The following LIPG variants were observed in gnomAD, a reference collection of about 807,000 sequenced individuals.
LIPG encodes the protein lipase G, endothelial type, also known as endothelial lipase.
Under a neutral mutation model 51.8 loss-of-function variants are expected in LIPG, and 34 were observed. The observed-to-expected ratio is 0.66, with a 90% CI of 0.50 to 0.87. The LOEUF (loss-of-function observed/expected upper bound fraction) is 0.87, where lower values mean the gene tolerates loss of function less well. Ranked by LOEUF, LIPG falls within the 40% of genes least tolerant of loss-of-function variation. The pLI is 0.00. For missense variants in LIPG, 580 were observed against 652.7 expected, an observed-to-expected ratio of 0.89 and a Z score of 1.21; for synonymous variants, 246 against 246.1, an observed-to-expected ratio of 1.00 and a Z score of 0.00.
At chr18:49,561,736 G>A (rs1361393061), upstream of LIPG, 7 of 1,245,088 alleles carry the variant, frequency 5.6e-6, no homozygotes, top group African/African-American at 3.1e-5. Flanking sequence ...GAGTTTCAGG[G>A]AAATGTCCGC....
rs139860222 is a variant in LIPG, at chr18:49,587,684, C to T, written c.1481+834C>T. 3.9e-3 allele frequency among the ~76,000 whole-genome samples: 587 copies of T among 151,822 alleles called. 4 individuals carry two copies. Among genetic ancestry groups the T allele is most frequent in the African/African-American group, 0.013 (548 of 41,382 alleles). The stretch of plus-strand genomic sequence containing the variant: ...GTTAATGTCTCTTCTGCTCTTTGTC[C>T]TGCCTCAACCTGTAGGGGTTCATTG... On this transcript the variant is annotated intron_variant, in intron 9 of 9. Coordinates refer to ENST00000261292, the MANE Select transcript of LIPG (RefSeq NM_006033.4).
At position 49,562,410 on chromosome 18, in the gene LIPG, C is replaced by T. The variant is rs376279370; in HGVS notation, c.97+5C>T. The T allele has an allele frequency of 3.1e-6, 5 of 1,612,974 alleles. No homozygotes were observed. The highest frequency in any genetic ancestry group is 3.3e-5 in the Admixed American group (2 of 60,002). On this transcript the variant is annotated splice_donor_5th_base_variant and intron_variant, in intron 1 of 9. Transcript: ENST00000261292. The stretch of plus-strand genomic sequence containing the variant: ...GTCCAGAGGGACGGCTGGAAGGTAA[C>T]GTGAATTTGTTTTTATTCCCCCCAG...
At chr18:49,583,493 C>T (rs1489484934) in intron 7 of LIPG, 63 bp from the exon 8 acceptor site, 1 of 1,392,152 alleles carries the variant, frequency 7.2e-7, no homozygotes, top group Non-Finnish European at 1.0e-6. Context: ...CTGTGTCACC[C>T]CACACAGTGT....
At chr18:49,567,695 A>G (rs775415575) in intron 3 of LIPG, 74 bp downstream of exon 3, 1 of 1,469,332 alleles carries the variant, frequency 6.8e-7, no homozygotes, top group East Asian at 2.3e-5. Flanking sequence ...AATGCAGGTC[A>G]TGCATCTGTT....
chr18:49,582,283 T>G, intron 6 of LIPG, 79 bp from the exon 7 acceptor site: 3 of 1,575,310 alleles, frequency 1.9e-6, no homozygotes, highest in Non-Finnish European at 2.6e-6. Context: ...ATCTCTGTGC[T>G]GGTGACTCAG....
At chr18:49,575,219 T>C (rs35641646) in intron 4 of LIPG, 150 bp from the exon 5 acceptor site, 39,110 of 633,424 alleles carry the variant, frequency 0.062, 1,601 homozygotes, top group South Asian at 0.14. Context: ...ATGGGTTTCT[T>C]ATTTTCTTCC....
rs143217740 is a variant in LIPG at position 49,583,208 on chromosome 18, G to C, written c.1158-348G>C. On this transcript the variant is annotated intron_variant, in intron 7 of 9. Transcript: ENST00000261292. The stretch of plus-strand genomic sequence containing the variant: ...TCCTTCAGAGGTTCTAAGGCTGAGC[G>C]GAACAGCGCACTTGAGTGGGGATGT... 1.1e-3 allele frequency among the ~76,000 whole-genome samples: 174 copies of C among 152,298 alleles called. 1 individual carries two copies. The highest frequency in any genetic ancestry group is 2.3e-3 in the Non-Finnish European group (154 of 68,028).
Position 49,563,891 on chromosome 18 carries a change from C to T in LIPG, c.98-1426C>T, listed in dbSNP as rs576146752. On this transcript the variant is annotated intron_variant, in intron 1 of 9. Coordinates refer to ENST00000261292, the MANE Select transcript of LIPG (RefSeq NM_006033.4). ...TATGTGGGTTTATCCGCAGATCTGT[C>T]TCAGGAATCCAGGAGACTTCTTTTC... is the stretch of plus-strand genomic sequence containing the variant. Among the ~76,000 whole-genome samples the T allele has an allele frequency of 3.3e-5, 5 of 152,284 alleles. No individual in the cohort carries two copies. In the East Asian group the frequency reaches 7.7e-4, roughly 24 times the overall value.
At chr18:49,579,818 C>CTT (rs2084799265) in intron 5 of LIPG, among the ~76,000 whole-genome samples, 1 of 131,126 alleles carries the variant, frequency 7.6e-6, no homozygotes, top group Admixed American at 7.6e-5. Flanking sequence ...CTTTTCTTTT[C>CTT]TTTACTTTAC....
chr18:49,568,672 C>T (rs1347675447), intron 3 of LIPG, among the ~76,000 whole-genome samples: 2 of 152,156 alleles, frequency 1.3e-5, no homozygotes, highest in African/African-American at 2.4e-5. Flanking sequence ...TGAGCCACCG[C>T]ACCCAGCCTA....
Position 49,565,506 on chromosome 18 carries a change from C to T in LIPG, c.279+8C>T, listed in dbSNP as rs371455573. The stretch of plus-strand genomic sequence containing the variant: ...ATCATTCACGGATGGACGGTGAGCC[C>T]GGGGAGGGAGCTCTGCGGCTTTATA... On this transcript the variant is annotated splice_region_variant and intron_variant, in intron 2 of 9. Transcript: ENST00000261292. 37 of 1,613,962 alleles carry T rather than the reference C, an allele frequency of 2.3e-5. No homozygotes were observed. Among genetic ancestry groups the T allele is most frequent in the Admixed American group, 6.7e-5 (4 of 59,984 alleles).
chr18:49,564,133 C>G (rs1184510068), intron 1 of LIPG, among the ~76,000 whole-genome samples: 1 of 152,196 alleles, frequency 6.6e-6, no homozygotes, highest in Non-Finnish European at 1.5e-5. Context: ...CCCTCTCTCC[C>G]TCCTTTCCCC....
intron 4 of LIPG, among the ~76,000 whole-genome samples, chr18:49,573,793 A>C (rs113195450): frequency 0.065 from 9,951 of 152,070 alleles, 1,034 homozygotes; most frequent in African/African-American, 0.22. Flanking sequence ...ACGGTCGTTA[A>C]CCATGTCCTC....
At chr18:49,585,248 A>G (rs2084868941) in intron 8 of LIPG, among the ~76,000 whole-genome samples, 1 of 152,096 alleles carries the variant, frequency 6.6e-6, no homozygotes, top group Non-Finnish European at 1.5e-5. Context: ...TTTTTATTAC[A>G]GACGGGGTTT....
intron 1 of LIPG, among the ~76,000 whole-genome samples, chr18:49,564,373 A>G (rs1197867739): frequency 6.6e-6 from 1 of 152,206 alleles, no homozygotes; most frequent in Non-Finnish European, 1.5e-5. Context: ...TGTCATGATG[A>G]CAGCACCTAC....
At chr18:49,588,856 A>C (rs8087823) in intron 9 of LIPG, among the ~76,000 whole-genome samples, 4,930 of 152,110 alleles carry the variant, frequency 0.032, 265 homozygotes, top group African/African-American at 0.11. Flanking sequence ...TTGCTCTAAC[A>C]AGGGTACTAG....
chr18:49,580,864 G>C (rs534505898), intron 5 of LIPG, among the ~76,000 whole-genome samples: 1 of 152,054 alleles, frequency 6.6e-6, no homozygotes, highest in Admixed American at 6.6e-5. Flanking sequence ...GTGTGTATTC[G>C]TGCTGTCTTC....
intron 3 of LIPG, among the ~76,000 whole-genome samples, chr18:49,568,462 C>T (rs1392208422): frequency 1.3e-5 from 2 of 151,998 alleles, no homozygotes; most frequent in Non-Finnish European, 2.9e-5. Context: ...CTCACTGCAA[C>T]CTCTACCTCC....
At chr18:49,573,827 A>G (rs1043304692) in intron 4 of LIPG, among the ~76,000 whole-genome samples, 1 of 152,062 alleles carries the variant, frequency 6.6e-6, no homozygotes, top group South Asian at 2.1e-4. Context: ...TGTTGGTCAC[A>G]TCTCCTCCCA....
Sources: allele counts gnomAD v4.1 joint callset (sites outside exome capture counted in the v4.1 genomes callset), GRCh38; gene constraint gnomAD v4.1.1; transcripts MANE v1.5; gene names NCBI Gene and HGNC (gene_info 2026-07-23, HGNC 2026-07-21).